Variants in CDKAL1 observed in about 807,000 individuals in gnomAD.
CDKAL1 encodes the protein threonylcarbamoyladenosine tRNA methylthiotransferase.
CDKAL1 carries 32 observed loss-of-function variants against 68.2 expected under a neutral mutation model. The observed-to-expected ratio is 0.47, with a 90% CI of 0.35 to 0.63. The LOEUF (loss-of-function observed/expected upper bound fraction) is 0.63, where lower values mean the gene tolerates loss of function less well. Ranked by LOEUF, CDKAL1 falls within the 30% of genes least tolerant of loss-of-function variation. The pLI is 0.00. For synonymous variants in CDKAL1, 234 were observed against 244.3 expected (o/e 0.96, Z 0.39); for missense variants, 606 against 696.7 (o/e 0.87, Z 1.47).
At chr6:20,634,072 AC>A (rs539847734) in intron 4 of CDKAL1, among the ~76,000 whole-genome samples, 1 of 152,194 alleles carries the variant, frequency 6.6e-6, no homozygotes, top group South Asian at 2.1e-4. Flanking sequence ...CTGGAAATGT[AC>A]CATTCTGAGC....
chr6:21,043,667 C>G (rs1004496233), intron 11 of CDKAL1, among the ~76,000 whole-genome samples: 4 of 152,196 alleles, frequency 2.6e-5, no homozygotes, highest in African/African-American at 7.2e-5. Context: ...ATTTTGCTAT[C>G]TCAGAGTCAT....
At chr6:21,092,979 A>G (rs1255347153) in intron 12 of CDKAL1, among the ~76,000 whole-genome samples, 1 of 152,144 alleles carries the variant, frequency 6.6e-6, no homozygotes, top group Non-Finnish European at 1.5e-5. Flanking sequence ...TAGAAAAATC[A>G]AAGAACAAAT....
intron 4 of CDKAL1, among the ~76,000 whole-genome samples, chr6:20,641,282 G>A (rs74858799): frequency 3.6e-4 from 55 of 152,182 alleles, no homozygotes; most frequent in Non-Finnish European, 7.4e-4. Flanking sequence ...TTTAAAAAGC[G>A]TTGATAAGTT....
At chr6:21,087,515 G>C (rs1772758729) in intron 12 of CDKAL1, among the ~76,000 whole-genome samples, 1 of 152,068 alleles carries the variant, frequency 6.6e-6, no homozygotes, top group South Asian at 2.1e-4. Flanking sequence ...CTTTTTATTT[G>C]CCAAGTGGGG....
chr6:20,978,024 C>T (rs766122178), intron 10 of CDKAL1, among the ~76,000 whole-genome samples: 5 of 152,152 alleles, frequency 3.3e-5, no homozygotes, highest in Non-Finnish European at 5.9e-5. Context: ...AGGACTGAAT[C>T]TAAAATTTGA....
chr6:21,114,247 CA>C (rs55859447), intron 13 of CDKAL1, among the ~76,000 whole-genome samples: 8,251 of 101,354 alleles, frequency 0.081, 126 homozygotes, highest in African/African-American at 0.11. Context: ...GACTCTGTCT[CA>C]AAAAAAAAAA....
intron 12 of CDKAL1, among the ~76,000 whole-genome samples, chr6:21,073,928 A>C (rs1337144892): frequency 6.6e-6 from 1 of 152,186 alleles, no homozygotes; most frequent in African/African-American, 2.4e-5. Context: ...TTAGGTTCAG[A>C]GTGTCCTAGG....
At chr6:20,722,976 T>C (rs1454830572) in intron 5 of CDKAL1, among the ~76,000 whole-genome samples, 2 of 152,056 alleles carry the variant, frequency 1.3e-5, no homozygotes, top group Non-Finnish European at 2.9e-5. Flanking sequence ...CTCAATAAAA[T>C]TTTCCATCTT....
At chr6:20,927,731 G>C (rs1453153720) in intron 9 of CDKAL1, among the ~76,000 whole-genome samples, 1 of 152,102 alleles carries the variant, frequency 6.6e-6, no homozygotes, top group Non-Finnish European at 1.5e-5. Flanking sequence ...TAACTAAGAA[G>C]TCTGAATCCA....
intron 10 of CDKAL1, among the ~76,000 whole-genome samples, chr6:20,969,468 G>T (rs1561924667): frequency 6.6e-6 from 1 of 152,144 alleles, no homozygotes; most frequent in Non-Finnish European, 1.5e-5. Context: ...GCAGTCTCAG[G>T]GGTGGTAAAG....
intron 5 of CDKAL1, chr6:20,722,599 A>G: frequency 4.2e-6 from 1 of 237,962 alleles, no homozygotes; most frequent in Admixed American, 4.5e-5. Context: ...GAGAAATTGT[A>G]GACAGACAGG....
At chr6:20,972,619 T>G (rs560744547) in intron 10 of CDKAL1, among the ~76,000 whole-genome samples, 32 of 152,318 alleles carry the variant, frequency 2.1e-4, no homozygotes, top group African/African-American at 7.5e-4. Flanking sequence ...GTTAATTCCC[T>G]CAGTTTCAGG....
intron 15 of CDKAL1, among the ~76,000 whole-genome samples, chr6:21,223,408 T>C (rs1024974126): frequency 2.0e-5 from 3 of 152,238 alleles, no homozygotes; most frequent in African/African-American, 7.2e-5. Flanking sequence ...AGCGTCCTGC[T>C]GGGCACATGG....
chr6:20,642,468 T>C (rs1056679523), intron 4 of CDKAL1, among the ~76,000 whole-genome samples: 8 of 67,784 alleles, frequency 1.2e-4, no homozygotes, highest in Non-Finnish European at 2.3e-4. Context: ...GATGAAAAGA[T>C]GAAAAACAGA....
At chr6:20,856,281 T>G (rs1759335186) in intron 9 of CDKAL1, among the ~76,000 whole-genome samples, 1 of 152,204 alleles carries the variant, frequency 6.6e-6, no homozygotes, top group Non-Finnish European at 1.5e-5. Context: ...CAATAAATGT[T>G]GAATGAGTGG....
intron 10 of CDKAL1, among the ~76,000 whole-genome samples, chr6:20,999,663 TAAAAAAAAAAAA>T (rs36078234): frequency 2.1e-5 from 2 of 93,402 alleles, no homozygotes; most frequent in East Asian, 2.9e-4. Flanking sequence ...TGACTGAAAT[TAAAAAAAAAAAA>T]AAAAAAAAAA....
intron 9 of CDKAL1, among the ~76,000 whole-genome samples, chr6:20,878,668 G>A (rs1486845634): frequency 2.6e-5 from 4 of 152,062 alleles, no homozygotes; most frequent in African/African-American, 9.7e-5. Context: ...GGGAGTGGGC[G>A]GAGGTTGCAG....
At chr6:21,089,897 T>C (rs189707130) in intron 12 of CDKAL1, among the ~76,000 whole-genome samples, 33 of 152,310 alleles carry the variant, frequency 2.2e-4, no homozygotes, top group Non-Finnish European at 4.3e-4. Flanking sequence ...CTCTGAAATA[T>C]TGGGAATGCA....
chr6:21,205,687 C>T (rs369997409), intron 15 of CDKAL1, among the ~76,000 whole-genome samples: 206 of 151,036 alleles, frequency 1.4e-3, no homozygotes, highest in Middle Eastern at 6.8e-3. Context: ...CCCGCCACCA[C>T]GCCCAGCTAA....
Sources: gnomAD v4.1 joint callset for allele counts (sites outside exome capture counted in the v4.1 genomes callset) on GRCh38, gnomAD v4.1.1 for gene constraint, MANE v1.5 for transcripts, NCBI Gene and HGNC (gene_info 2026-07-23, HGNC 2026-07-21) for gene names.